AMZ2: variants seen among roughly 807,000 people sequenced by gnomAD.
The protein encoded by AMZ2 is archaelysin family metallopeptidase 2, also known as archaemetzincin-2.
AMZ2 carries 26 observed loss-of-function variants against 36.7 expected under a neutral mutation model. The observed-to-expected ratio is 0.71, with a 90% CI of 0.52 to 0.98. The LOEUF (loss-of-function observed/expected upper bound fraction) is 0.98. Among genes scored for constraint, AMZ2 ranks in the 50% least tolerant of loss-of-function variants. The probability of loss-of-function intolerance (pLI) is 0.00; values close to 1 mark genes in which losing one functional copy is unlikely to be tolerated. For synonymous variants in AMZ2, 144 were observed against 149.1 expected (o/e 0.97, Z 0.25); for missense variants, 394 against 430.5 (o/e 0.92, Z 0.75).
At chr17:68,208,504 C>T (rs782420990) in intron 1 of AMZ2, among the ~76,000 whole-genome samples, 12 of 152,106 alleles carry the variant, frequency 7.9e-5, no homozygotes, top group Non-Finnish European at 1.8e-4. Context: ...CCAGTCAGCG[C>T]CCTGTCAAAA....
chr17:68,235,798 G>T lies in AMZ2; in HGVS notation c.-66-12842G>T, dbSNP rs1287358547. 6.6e-6 allele frequency among the ~76,000 whole-genome samples: 1 copy of T among 151,810 alleles called. No individual in the cohort carries two copies. The highest frequency in any genetic ancestry group is 1.5e-5 in the Non-Finnish European group (1 of 67,978). On this transcript the variant is annotated intron_variant, in intron 1 of 7. Transcript: ENST00000674770. This position sits in a 1 kb window ranked among gnomAD's most constrained non-coding sequence, Gnocchi z 4.2. ...CAGCCTGGGCTGCCGTGGACTGGCC[G>T]TCCCTACCCCTCCAAGACTTAGCCC...
At chr17:68,252,906 A>G (rs1223618932) in intron 4 of AMZ2, among the ~76,000 whole-genome samples, 2 of 152,248 alleles carry the variant, frequency 1.3e-5, no homozygotes, top group Admixed American at 6.5e-5. Context: ...AGGTCAGGAA[A>G]CATTTCCCCA....
intron 4 of AMZ2, among the ~76,000 whole-genome samples, chr17:68,253,013 A>G (rs753007913): frequency 1.3e-5 from 2 of 152,236 alleles, no homozygotes. Flanking sequence ...GACAGTGACA[A>G]TATCTTAACA....
intron 1 of AMZ2, among the ~76,000 whole-genome samples, chr17:68,214,114 C>G (rs1555726696): frequency 6.8e-6 from 1 of 146,502 alleles, no homozygotes; most frequent in Non-Finnish European, 1.5e-5. Context: ...TTATTTCTTC[C>G]TCAGATGTTT....
intron 1 of AMZ2, among the ~76,000 whole-genome samples, chr17:68,212,995 A>C (rs553929376): frequency 6.6e-6 from 1 of 152,362 alleles, no homozygotes; most frequent in Admixed American, 6.5e-5. Flanking sequence ...TCAGGAACCA[A>C]TTCATTACCA....
Position 68,250,833 on chromosome 17 carries a change from T to C in AMZ2, c.323T>C (p.Ile108Thr), listed in dbSNP as rs781920066. ...GNTRIISEEY[I>T]KWLTGYCKAY... The stretch of plus-strand genomic sequence containing the variant: ...ACCAGAATTATCAGTGAAGAATATA[T>C]TAAATGGCTCACGGGCTACTGTAAA... Residue 108 changes from isoleucine to threonine, a missense_variant, in exon 3 of 7, where the codon ATT becomes ACT. Coordinates refer to ENST00000359904, the MANE Select transcript of AMZ2 (RefSeq NM_016627.5). 8.1e-6 allele frequency: 13 copies of C among 1,595,684 alleles called. No homozygotes were observed. Among genetic ancestry groups the C allele is most frequent in the Non-Finnish European group, 1.0e-5 (12 of 1,175,626 alleles).
intron 1 of AMZ2, among the ~76,000 whole-genome samples, chr17:68,230,946 A>G (rs1482068270): frequency 2.0e-4 from 30 of 152,174 alleles, no homozygotes; most frequent in African/African-American, 7.0e-4. Context: ...AGGGAAATAA[A>G]TTTACTTTTC....
chr17:68,218,474 G>T (rs1278678771), intron 1 of AMZ2, among the ~76,000 whole-genome samples: 1 of 152,082 alleles, frequency 6.6e-6, no homozygotes, highest in African/African-American at 2.4e-5. Flanking sequence ...CAACAGGTGT[G>T]AACCACCACA....
chr17:68,245,550 G>C (rs1555735082), upstream of AMZ2, among the ~76,000 whole-genome samples: 1 of 151,900 alleles, frequency 6.6e-6, no homozygotes, highest in Non-Finnish European at 1.5e-5. Flanking sequence ...CACCATGCCT[G>C]GTCAGTTATT....
chr17:68,238,585 G>A (rs1476756827), intron 1 of AMZ2, among the ~76,000 whole-genome samples: 1 of 89,384 alleles, frequency 1.1e-5, no homozygotes, highest in African/African-American at 6.8e-5. Flanking sequence ...ACACACATAT[G>A]TACACACACA....
chr17:68,248,863 C>T, intron 1 of AMZ2, 158 bp downstream of exon 1: 1 of 777,756 alleles, frequency 1.3e-6, no homozygotes, highest in Non-Finnish European at 1.6e-6. Flanking sequence ...CTCTTCAACC[C>T]CAGAATTTAT....
chr17:68,227,291 C>T (rs182204783), intron 1 of AMZ2, among the ~76,000 whole-genome samples: 2 of 152,306 alleles, frequency 1.3e-5, no homozygotes, highest in African/African-American at 2.4e-5. Context: ...GGTCCTCCCC[C>T]CTGGCTTATT....
intron 1 of AMZ2, chr17:68,206,325 C>T (rs1555724373): frequency 1.7e-6 from 2 of 1,189,830 alleles, no homozygotes. Context: ...GCATCCTGCT[C>T]CGATCTCCCC....
chr17:68,219,212 G>A (rs555485265), intron 1 of AMZ2, among the ~76,000 whole-genome samples: 63 of 152,186 alleles, frequency 4.1e-4, no homozygotes, highest in Admixed American at 8.5e-4. Flanking sequence ...TAATCCGCCC[G>A]CCTCAGCCTC....
intron 1 of AMZ2, among the ~76,000 whole-genome samples, chr17:68,230,231 C>T (rs750910914): frequency 8.5e-5 from 13 of 152,164 alleles, no homozygotes; most frequent in Non-Finnish European, 1.3e-4. Flanking sequence ...CACCACCATA[C>T]CTGGCTAATA....
In AMZ2 at chr17:68,235,387, A is replaced by T. The variant is rs189155873; in HGVS notation, c.-66-13253A>T. 5.3e-3 allele frequency among the ~76,000 whole-genome samples: 808 copies of T among 152,180 alleles called. 5 individuals carry two copies. Among genetic ancestry groups the T allele is most frequent in the African/African-American group, 0.018 (764 of 41,502 alleles). ...TGGGCCAGAGGTTCTTATTGTTCAT[A>T]CCCCTGGATAAACACACTGAGTCCC... is the stretch of plus-strand genomic sequence containing the variant. On this transcript the variant is annotated intron_variant, in intron 1 of 7. Coordinates refer to the AMZ2 transcript ENST00000674770. This position sits in a 1 kb window ranked among gnomAD's most constrained non-coding sequence, Gnocchi z 4.2.
At chr17:68,213,535 T>C (rs1277966240) in intron 1 of AMZ2, among the ~76,000 whole-genome samples, 70 of 152,330 alleles carry the variant, frequency 4.6e-4, no homozygotes, top group Admixed American at 7.8e-4. Context: ...GAATCCACAC[T>C]GATTCTTGAT....
chr17:68,233,502 A>T (rs1337185395), intron 1 of AMZ2, among the ~76,000 whole-genome samples: 4 of 134,768 alleles, frequency 3.0e-5, no homozygotes, highest in Admixed American at 2.3e-4. Context: ...GAGCGAAACT[A>T]TGTCTCAAAA....
chr17:68,234,162 T>C (rs1397880538), intron 1 of AMZ2, among the ~76,000 whole-genome samples: 4 of 151,892 alleles, frequency 2.6e-5, no homozygotes, highest in Admixed American at 2.0e-4. Flanking sequence ...AGAACCCCTG[T>C]TTCTACTTAA....
Sources: allele counts gnomAD v4.1 joint callset (sites outside exome capture counted in the v4.1 genomes callset), GRCh38; gene constraint gnomAD v4.1.1; non-coding constraint Gnocchi (gnomAD v3.1); transcripts MANE v1.5; gene names NCBI Gene and HGNC (gene_info 2026-07-23, HGNC 2026-07-21).